The following PPP1R21 variants were observed in gnomAD, a reference collection of about 807,000 sequenced individuals.
The protein encoded by PPP1R21 is protein phosphatase 1 regulatory subunit 21.
Under a neutral mutation model 112.8 loss-of-function variants are expected in PPP1R21, and 85 were observed. The ratio of observed to expected loss-of-function variants is 0.75; its 90% CI spans 0.63 to 0.90. PPP1R21 has a LOEUF of 0.90. Ranked by LOEUF, PPP1R21 falls within the 40% of genes least tolerant of loss-of-function variation. The probability of loss-of-function intolerance (pLI) is 0.00; values close to 1 mark genes in which losing one functional copy is unlikely to be tolerated. For synonymous variants in PPP1R21, 381 were observed against 322.3 expected, an observed-to-expected ratio of 1.18 and a Z score of -1.95; for missense variants, 1,199 against 901.5, an observed-to-expected ratio of 1.33 and a Z score of -4.23.
At chr2:48,502,814 G>A (rs914321555) in intron 17 of PPP1R21, among the ~76,000 whole-genome samples, 1 of 150,996 alleles carries the variant, frequency 6.6e-6, no homozygotes, top group South Asian at 2.1e-4. Context: ...CCAAGTAGCT[G>A]GGACTACAGG....
In PPP1R21 at chr2:48,440,832, C is replaced by A. The variant is rs901008051; in HGVS notation, c.-122C>A. Reference sequence around the variant, plus strand: ...GGAGGCGCGGCGGCGGCGGCGGCGGCGGCTGCGGTGGCCAAGCAGGCAGAT... The same window carrying A: ...GGAGGCGCGGCGGCGGCGGCGGCGGAGGCTGCGGTGGCCAAGCAGGCAGAT... On this transcript the variant is annotated 5_prime_UTR_variant, in exon 1 of 22. Transcript: ENST00000294952. 4 of 697,252 alleles carry A rather than the reference C, an allele frequency of 5.7e-6. No homozygotes were observed. Among genetic ancestry groups the A allele is most frequent in the African/African-American group, 1.9e-5 (1 of 52,220 alleles). The allele number at this position is 697,252 out of a possible 1,614,324, so 43.2% of individuals were successfully genotyped here.
chr2:48,510,157 A>G, intron 20 of PPP1R21, 44 bp downstream of exon 20: 1 of 1,460,692 alleles, frequency 6.8e-7, no homozygotes, highest in Non-Finnish European at 9.5e-7. Flanking sequence ...TTTTTCATTG[A>G]AAGTTCTTTG....
chr2:48,448,184 A>G (rs1345051062), intron 1 of PPP1R21, among the ~76,000 whole-genome samples: 1 of 152,154 alleles, frequency 6.6e-6, no homozygotes, highest in Non-Finnish European at 1.5e-5. Context: ...TTCAGATAAC[A>G]GTTTCTTAAA....
In PPP1R21 at chr2:48,515,054, A is replaced by C. The variant is rs1259616526; in HGVS notation, c.*310A>C. ...GTTTTAATTTCAGTATGTAAGAACA[A>C]ATATTTTGTATACTTTCAAACTCAA... On this transcript the variant is annotated 3_prime_UTR_variant, in exon 22 of 22. Coordinates refer to ENST00000294952, the MANE Select transcript of PPP1R21 (RefSeq NM_001135629.3). The C allele has an allele frequency of 1.2e-5, 4 of 321,378 alleles. No homozygotes were observed. Among genetic ancestry groups the C allele is most frequent in the African/African-American group, 8.6e-5 (4 of 46,722 alleles). 19.9% of individuals were successfully genotyped at this position (321,378 alleles called of 1,614,324 possible).
rs756803884 is a variant in PPP1R21 at position 48,471,074 on chromosome 2, C to T, written c.898-13C>T. The T allele has an allele frequency of 3.3e-6, 5 of 1,524,622 alleles. No homozygotes were observed. Among genetic ancestry groups the T allele is most frequent in the East Asian group, 2.3e-5 (1 of 44,100 alleles). The allele number at this position is 1,524,622 out of a possible 1,614,324, so 94.4% of individuals were successfully genotyped here. A position where few individuals can be genotyped will look rare whatever the true frequency, so the allele number is the denominator to read the frequency against. On this transcript the variant is annotated splice_polypyrimidine_tract_variant and intron_variant, in intron 9 of 21. Transcript: ENST00000294952. ...CCAGTGATTTAATTCACAATACTTT[C>T]CCTCCTGTTTAGTTCTCACAATACC...
chr2:48,510,731 G>T (rs755304144), intron 20 of PPP1R21, among the ~76,000 whole-genome samples: 1 of 152,216 alleles, frequency 6.6e-6, no homozygotes, highest in Non-Finnish European at 1.5e-5. Context: ...GGTGCTGCCG[G>T]GAGGGCTGTA....
intron 13 of PPP1R21, among the ~76,000 whole-genome samples, chr2:48,484,742 C>T (rs1052175434): frequency 6.6e-5 from 10 of 152,180 alleles, no homozygotes; most frequent in Non-Finnish European, 1.2e-4. Flanking sequence ...TCTTGAACTC[C>T]TGGCCTCCAG....
chr2:48,502,508 A>ATG (rs1245609980), intron 17 of PPP1R21, among the ~76,000 whole-genome samples: 2 of 151,664 alleles, frequency 1.3e-5, no homozygotes, highest in Admixed American at 6.6e-5. Flanking sequence ...GTGGCTGTGT[A>ATG]TGTGTGTGTG....
At chr2:48,441,150 A>G (rs956845484) in intron 1 of PPP1R21, 140 bp downstream of exon 1, 20 of 672,122 alleles carry the variant, frequency 3.0e-5, no homozygotes, top group Non-Finnish European at 5.4e-5. Context: ...GTCTCCGTCC[A>G]CCATTACGGT....
At chr2:48,491,268 T>C (rs1669550999) in intron 15 of PPP1R21, 98 bp downstream of exon 15, 2 of 1,323,982 alleles carry the variant, frequency 1.5e-6, no homozygotes, top group Non-Finnish European at 2.1e-6. Flanking sequence ...GTTGACTTTT[T>C]ATACGATATT....
chr2:48,488,508 A>G (rs1360151997), intron 14 of PPP1R21, among the ~76,000 whole-genome samples: 1 of 152,128 alleles, frequency 6.6e-6, no homozygotes, highest in Non-Finnish European at 1.5e-5. Flanking sequence ...CTGGGACTAA[A>G]GGTGCCTGCC....
intron 17 of PPP1R21, among the ~76,000 whole-genome samples, chr2:48,499,888 A>G (rs1670029705): frequency 6.6e-6 from 1 of 152,374 alleles, no homozygotes. Context: ...TAGAAAAAGA[A>G]ATCAGGAAGG....
At position 48,512,379 on chromosome 2, in the gene PPP1R21, C is replaced by T. The variant is rs551378362; in HGVS notation, c.2313+911C>T. Among the ~76,000 whole-genome samples, 6 of 147,408 alleles carry T rather than the reference C, an allele frequency of 4.1e-5. No individual in the cohort carries two copies. The East Asian group carries it at 1.2e-3, about 28-fold the overall frequency. The stretch of plus-strand genomic sequence containing the variant: ...CACTTAGTTGGCATCATCTCATGTG[C>T]TTAGTCCATTTTCATAACTCAGTAT... On this transcript the variant is annotated intron_variant, in intron 21 of 21. Transcript: ENST00000294952.
At position 48,460,075 on chromosome 2, in the gene PPP1R21, C is replaced by G. The variant is rs373829140; in HGVS notation, c.541-20C>G. On this transcript the variant is annotated intron_variant, in intron 5 of 21. Coordinates refer to ENST00000294952, the MANE Select transcript of PPP1R21 (RefSeq NM_001135629.3). Reference sequence around the variant, plus strand: ...GTCGTAGCCTGAGCCATCTGTGTTTCTTTTTCTTCTGAAATTCAGGTGAAA... The same window carrying G: ...GTCGTAGCCTGAGCCATCTGTGTTTGTTTTTCTTCTGAAATTCAGGTGAAA... 137 of 1,613,810 alleles carry G rather than the reference C, an allele frequency of 8.5e-5. No individual in the cohort carries two copies. The highest frequency in any genetic ancestry group is 1.1e-4 in the Non-Finnish European group (127 of 1,179,890).
intron 11 of PPP1R21, among the ~76,000 whole-genome samples, chr2:48,474,239 C>T (rs933876908): frequency 1.1e-4 from 16 of 152,100 alleles, no homozygotes; most frequent in Middle Eastern, 3.4e-3. Context: ...AAAAATTAGC[C>T]GGGCGTGGTG....
intron 12 of PPP1R21, among the ~76,000 whole-genome samples, chr2:48,475,664 A>G (rs1184963385): frequency 6.6e-6 from 1 of 152,070 alleles, no homozygotes; most frequent in African/African-American, 2.4e-5. Context: ...CCTGACCGAC[A>G]TGGAGAAACC....
intron 2 of PPP1R21, among the ~76,000 whole-genome samples, chr2:48,451,473 T>C (rs1667465761): frequency 6.6e-6 from 1 of 152,182 alleles, no homozygotes; most frequent in Non-Finnish European, 1.5e-5. Context: ...AATAAGTGGA[T>C]TCCATTGTGT....
At chr2:48,442,239 C>G (rs977297593) in intron 1 of PPP1R21, among the ~76,000 whole-genome samples, 2 of 152,146 alleles carry the variant, frequency 1.3e-5, no homozygotes, top group Non-Finnish European at 2.9e-5. Flanking sequence ...TGGCAATGCT[C>G]AAATTTGGCT....
intron 6 of PPP1R21, 34 bp from the exon 7 acceptor site, chr2:48,461,104 A>C: frequency 6.4e-7 from 1 of 1,564,520 alleles, no homozygotes; most frequent in East Asian, 2.4e-5. Context: ...GTGATTGGTG[A>C]TAATGTGGTT....
Sources: gnomAD v4.1 joint callset for allele counts (sites outside exome capture counted in the v4.1 genomes callset) on GRCh38, gnomAD v4.1.1 for gene constraint, MANE v1.5 for transcripts, NCBI Gene and HGNC (gene_info 2026-07-23, HGNC 2026-07-21) for gene names.